Variants in SCN10A observed in about 807,000 individuals in gnomAD.
SCN10A encodes sodium voltage-gated channel alpha subunit 10, also known as sodium channel protein type 10 subunit alpha.
In SCN10A, 162 loss-of-function variants were observed where a neutral mutation model predicts 170.7. The ratio of observed to expected loss-of-function variants is 0.95; its 90% confidence interval spans 0.84 to 1.08. SCN10A has a LOEUF of 1.08. SCN10A is among the 50% of genes least tolerant of loss of function. The pLI is 0.00. For synonymous variants in SCN10A, 985 were observed against 904.6 expected, an observed-to-expected ratio of 1.09 and a Z score of -1.59; for missense variants, 2,527 against 2,436.9, an observed-to-expected ratio of 1.04 and a Z score of -0.78.
chr3:38,769,078 A>G lies in SCN10A; in HGVS notation c.599+2201T>C, dbSNP rs1416510177. Among the ~76,000 whole-genome samples, 3 of 151,872 alleles carry G rather than the reference A, an allele frequency of 2.0e-5. No individual in the cohort carries two copies. In the East Asian group the frequency reaches 5.8e-4, roughly 29 times the overall value. On this transcript the variant is annotated intron_variant, in intron 5 of 27. Transcript: ENST00000449082. ...TTCCACTGCATTTTGTATTTCTCTAAGTGAGTCTTCCATTTCCAGAAGTTG... is the reference window on the plus strand; with the variant it reads ...TTCCACTGCATTTTGTATTTCTCTAGGTGAGTCTTCCATTTCCAGAAGTTG...
At chr3:38,802,637 C>A (rs1433332909) in intron 1 of SCN10A, among the ~76,000 whole-genome samples, 1 of 152,114 alleles carries the variant, frequency 6.6e-6, no homozygotes, top group Admixed American at 6.6e-5. Flanking sequence ...ACACTTTATA[C>A]AAAAATTAAT....
At chr3:38,698,947 C>T (rs925562238) in intron 27 of SCN10A, among the ~76,000 whole-genome samples, 5 of 152,176 alleles carry the variant, frequency 3.3e-5, no homozygotes, top group Non-Finnish European at 7.3e-5. Flanking sequence ...CTGCTCCTCC[C>T]TGATACTGCA....
Position 38,757,146 on chromosome 3 carries a change from C to T in SCN10A, c.964G>A (p.Gly322Ser). The T allele has an allele frequency of 6.2e-7, 1 of 1,605,774 alleles. No homozygotes were observed. ...TCAGAAGTTTTAAGGCAGATATAACCATCAGGGCAGTGGCTGCAGCAAGAA... is the reference window on the plus strand; with the variant it reads ...TCAGAAGTTTTAAGGCAGATATAACTATCAGGGCAGTGGCTGCAGCAAGAA... ...NGSDSGHCPD[G>S]YICLKTSDNP... The change falls in exon 9 of 28, where the codon GGT (glycine) becomes AGT (serine). Residue 322 changes from glycine (G) to serine (S), a missense_variant. Transcript: ENST00000449082.
chr3:38,788,626 G>T (rs9875610), intron 4 of SCN10A, among the ~76,000 whole-genome samples: 46 of 150,110 alleles, frequency 3.1e-4, no homozygotes, highest in African/African-American at 9.8e-4. Context: ...GTGTTGGGGG[G>T]GGGTGGGGGC....
chr3:38,726,465 C>A (rs367769201), intron 17 of SCN10A, 141 bp downstream of exon 17: 87 of 638,784 alleles, frequency 1.4e-4, no homozygotes, highest in African/African-American at 1.3e-3. Flanking sequence ...CCTGCTCAAA[C>A]GCCAACTCCT....
intron 11 of SCN10A, among the ~76,000 whole-genome samples, chr3:38,753,056 C>T (rs997863579): frequency 6.6e-6 from 1 of 152,206 alleles, no homozygotes; most frequent in African/African-American, 2.4e-5. Context: ...AAGAGCTGTA[C>T]AGTGCAATGA....
intron 18 of SCN10A, among the ~76,000 whole-genome samples, chr3:38,724,270 C>T (rs895566915): frequency 6.6e-6 from 1 of 152,182 alleles, no homozygotes; most frequent in Non-Finnish European, 1.5e-5. Context: ...TGACATTCTT[C>T]AAGCTGAAGG....
intron 8 of SCN10A, among the ~76,000 whole-genome samples, chr3:38,760,052 A>G (rs1452488231): frequency 6.6e-6 from 1 of 152,212 alleles, no homozygotes; most frequent in African/African-American, 2.4e-5. Flanking sequence ...TAAAATGGCT[A>G]TAATTCTTGT....
In SCN10A at chr3:38,760,715, C is replaced by G. The variant is rs777112698; in HGVS notation, c.916G>C (p.Asp306His). The G allele has an allele frequency of 2.5e-6, 4 of 1,614,072 alleles. No individual in the cohort carries two copies. Among genetic ancestry groups the G allele is most frequent in the Non-Finnish European group, 3.4e-6 (4 of 1,179,922 alleles). The change falls in exon 8 of 28, where the codon GAC becomes CAC. Residue 306 changes from aspartate (D) to histidine (H), a missense_variant. Physicochemically the swap from Asp to His is moderately conservative, Grantham distance 81. Transcript: ENST00000449082. ...GATCCATTGCCACACAGTAAGGGGT[C>G]AGAAGTGCCTCGCTTATTTATGTAG... is the stretch of plus-strand genomic sequence containing the variant. ...DIYINKRGTS[D>H]PLLCGNGSDS...
intron 1 of SCN10A, among the ~76,000 whole-genome samples, chr3:38,803,516 T>C (rs1440594612): frequency 8.6e-5 from 13 of 151,994 alleles, no homozygotes; most frequent in Non-Finnish European, 4.4e-5. Context: ...TGGATGAAGC[T>C]GGAAACCATC....
At position 38,794,043 on chromosome 3, in the gene SCN10A, C is replaced by G. The variant is rs1051248463; in HGVS notation, c.-32-1G>C. Reference sequence around the variant, plus strand: ...TTCTTCTTCAGGAAGTATTTATACTCTTATAAGAGTGGACATAACCACAGA... The same window carrying G: ...TTCTTCTTCAGGAAGTATTTATACTGTTATAAGAGTGGACATAACCACAGA... On this transcript the variant is annotated splice_acceptor_variant, in intron 1 of 27. Coordinates refer to ENST00000449082, the MANE Select transcript of SCN10A (RefSeq NM_006514.4). LOFTEE classifies it low-confidence loss of function (5UTR_SPLICE). 1.0e-5 allele frequency: 16 copies of G among 1,602,764 alleles called. No homozygotes were observed. The African/African-American group carries it at 1.7e-4, about 17-fold the overall frequency.
At chr3:38,753,063 A>G (rs879497560) in intron 11 of SCN10A, among the ~76,000 whole-genome samples, 10 of 152,232 alleles carry the variant, frequency 6.6e-5, no homozygotes, top group African/African-American at 1.2e-4. Context: ...GTACAGTGCA[A>G]TGAGTTTCTA....
At chr3:38,766,109 AT>A (rs2063929921) in intron 5 of SCN10A, among the ~76,000 whole-genome samples, 1 of 151,672 alleles carries the variant, frequency 6.6e-6, no homozygotes, top group Non-Finnish European at 1.5e-5. Flanking sequence ...TACTGAATTC[AT>A]TTATTAGATC....
chr3:38,714,241 GT>G lies in SCN10A; in HGVS notation c.3682-162del, dbSNP rs568022195. 1.2e-3 allele frequency among the ~76,000 whole-genome samples: 177 copies of G among 152,284 alleles called. 1 individual carries two copies. Among genetic ancestry groups the G allele is most frequent in the Middle Eastern group, 6.8e-3 (2 of 294 alleles). On this transcript the variant is annotated intron_variant, in intron 21 of 27. Transcript: ENST00000449082. ...AACTCCAATGAGAGGTCTAGAAAGA[GT>G]TTTGTCTCTTCCCTTTTATTAAAAA...
chr3:38,816,212 C>G lies in SCN10A; in HGVS notation c.-208G>C, dbSNP rs1489525453. On this transcript the variant is annotated 5_prime_UTR_variant, in exon 1 of 28. Coordinates refer to ENST00000449082, the MANE Select transcript of SCN10A (RefSeq NM_006514.4). ...CTAGCCAAGAGGCTAGTGTGTGAAG[C>G]AAGAAATGAGAGGCAAGTCTGAGAT... is the stretch of plus-strand genomic sequence containing the variant. 6.6e-6 allele frequency: 1 copy of G among 152,230 alleles called. No individual in the cohort carries two copies. The highest frequency in any genetic ancestry group is 2.4e-5 in the African/African-American group (1 of 41,472). The allele number at this position is 152,230 out of a possible 1,614,324, so 9.4% of individuals were successfully genotyped here. A position where few individuals can be genotyped will look rare whatever the true frequency, so the allele number is the denominator to read the frequency against.
chr3:38,803,346 C>T (rs1397245051), intron 1 of SCN10A, among the ~76,000 whole-genome samples: 2 of 152,118 alleles, frequency 1.3e-5, no homozygotes, highest in African/African-American at 2.4e-5. Context: ...AAGACACATG[C>T]ACACATATGT....
intron 26 of SCN10A, among the ~76,000 whole-genome samples, chr3:38,706,815 G>A (rs1316334484): frequency 6.6e-6 from 1 of 152,164 alleles, no homozygotes; most frequent in Non-Finnish European, 1.5e-5. Flanking sequence ...TACCATGACT[G>A]CATCTTGGAT....
Position 38,752,453 on chromosome 3 carries a change from G to A in SCN10A, c.1521C>T (p.Phe507=). ...RRASHGSVFH[F]RSPGRDISLP... ...GTGAGATATCTCGGCCAGGGGACCG[G>A]AAATGGAACACACTGCCATGACTAG... The change falls in exon 12 of 28, where the codon TTC becomes TTT. Residue 507 remains phenylalanine, a synonymous_variant. Transcript: ENST00000449082. 6.2e-7 allele frequency: 1 copy of A among 1,612,794 alleles called. No homozygotes were observed. Among genetic ancestry groups the A allele is most frequent in the Non-Finnish European group, 8.5e-7 (1 of 1,179,482 alleles).
intron 5 of SCN10A, among the ~76,000 whole-genome samples, chr3:38,766,809 A>G (rs1203013325): frequency 6.6e-6 from 1 of 152,090 alleles, no homozygotes; most frequent in East Asian, 1.9e-4. Flanking sequence ...ATTGGTACCA[A>G]TTCTTCTTTG....
Sources: allele counts gnomAD v4.1 joint callset (sites outside exome capture counted in the v4.1 genomes callset), GRCh38; gene constraint gnomAD v4.1.1; transcripts MANE v1.5; gene names NCBI Gene and HGNC (gene_info 2026-07-23, HGNC 2026-07-21).